Variants in RASAL3 observed in about 807,000 individuals in gnomAD.
RASAL3 encodes the protein RAS protein activator like 3, also known as RAS protein activator like-3.
Under a neutral mutation model 105.5 loss-of-function variants are expected in RASAL3, and 74 were observed. The observed-to-expected ratio is 0.70, with a 90% CI of 0.58 to 0.85. RASAL3 has a LOEUF of 0.85. Ranked by LOEUF, RASAL3 falls within the 40% of genes least tolerant of loss-of-function variation. RASAL3 has a pLI of 0.00. For synonymous variants in RASAL3, 579 were observed against 591.6 expected, an observed-to-expected ratio of 0.98 and a Z score of 0.31; for missense variants, 1,352 against 1,392.0, an observed-to-expected ratio of 0.97 and a Z score of 0.46.
chr19:15,456,489 T>C lies in RASAL3; in HGVS notation c.1576+13A>G. 1 of 1,613,162 alleles carries C rather than the reference T, an allele frequency of 6.2e-7. No individual in the cohort carries two copies. The highest frequency in any genetic ancestry group is 8.5e-7 in the Non-Finnish European group (1 of 1,179,562). On this transcript the variant is annotated intron_variant, in intron 10 of 17. Coordinates refer to ENST00000343625, the MANE Select transcript of RASAL3 (RefSeq NM_022904.3). This position sits in a 1 kb window ranked among gnomAD's most constrained non-coding sequence, Gnocchi z 4.4. ...ACCAGCAGGCCGCTGACATGGACTC[T>C]CCCCCAGCTCACCCAGGGTCTCCTG... is the stretch of plus-strand genomic sequence containing the variant.
At chr19:15,462,176 G>T (rs1970531869) in intron 2 of RASAL3, among the ~76,000 whole-genome samples, 1 of 151,940 alleles carries the variant, frequency 6.6e-6, no homozygotes, top group African/African-American at 2.4e-5. Context: ...AACATAACAA[G>T]ACCCTGTCTT....
At position 15,453,641 on chromosome 19, in the gene RASAL3, G is replaced by A. The variant is rs555854837; in HGVS notation, c.2280-144C>T. ...GACAAGGTCTTGCTCTGTCGCCCAGGCTGGAGTGCAGTGGCTAGATCATAG... is the reference window on the plus strand; with the variant it reads ...GACAAGGTCTTGCTCTGTCGCCCAGACTGGAGTGCAGTGGCTAGATCATAG... On this transcript the variant is annotated intron_variant, in intron 14 of 17. Coordinates refer to ENST00000343625, the MANE Select transcript of RASAL3 (RefSeq NM_022904.3). This position sits in a 1 kb window ranked among gnomAD's most constrained non-coding sequence, Gnocchi z 4.2. The A allele has an allele frequency of 2.4e-4, 197 of 806,176 alleles. 1 individual carries two copies. The highest frequency in any genetic ancestry group is 1.0e-3 in the Admixed American group (26 of 25,074). 49.9% of individuals were successfully genotyped at this position (806,176 alleles called of 1,614,324 possible). A position where few individuals can be genotyped will look rare whatever the true frequency, so the allele number is the denominator to read the frequency against.
At chr19:15,458,477 A>C in intron 7 of RASAL3, 51 bp from the exon 8 acceptor site, 11 of 1,613,592 alleles carry the variant, frequency 6.8e-6, no homozygotes, top group Non-Finnish European at 9.3e-6. Context: ...GGTGAAGCCA[A>C]AGGGTGGGAG....
At chr19:15,452,333 G>C (rs1970176360) in intron 16 of RASAL3, 1 of 608,210 alleles carries the variant, frequency 1.6e-6, no homozygotes, top group African/African-American at 1.8e-5. Flanking sequence ...GGTTTGGCCA[G>C]TCCTGGGTGG....
Position 15,460,194 on chromosome 19 carries a change from C to T in RASAL3, c.662+9G>A. On this transcript the variant is annotated intron_variant, in intron 6 of 17. Coordinates refer to ENST00000343625, the MANE Select transcript of RASAL3 (RefSeq NM_022904.3). ...ACCCCAGCCCCTCCAGCCTCTCATA[C>T]ACCCTTACCCATCCCGGGGCTCCAA... 1 of 1,603,776 alleles carries T rather than the reference C, an allele frequency of 6.2e-7. No homozygotes were observed. Among genetic ancestry groups the T allele is most frequent in the South Asian group, 1.1e-5 (1 of 88,730 alleles).
In RASAL3 at chr19:15,458,378, C is replaced by A. The variant is rs199723638; in HGVS notation, c.838G>T (p.Glu280Ter). The change falls in exon 8 of 18, where the codon GAG becomes TAG. Residue 280 changes from glutamate (E) to a stop codon, truncating the protein, a stop_gained. Transcript: ENST00000343625. LOFTEE classifies it high-confidence loss of function. Reference protein sequence around the residue: ...SRCFSCRSAAERDRWIEDLRR... With the variant: ...SRCFSCRSAA ...AGGTCCTCGATCCAGCGGTCTCTCT[C>A]AGCGGCCGAGCGACAAGAGAAGCAG... 6.2e-7 allele frequency: 1 copy of A among 1,613,806 alleles called. No homozygotes were observed. The highest frequency in any genetic ancestry group is 8.5e-7 in the Non-Finnish European group (1 of 1,179,872).
chr19:15,458,246 G>A (rs1393255604), intron 8 of RASAL3, 82 bp downstream of exon 8: 3 of 1,338,546 alleles, frequency 2.2e-6, no homozygotes, highest in African/African-American at 2.9e-5. Context: ...GTTATGGAGC[G>A]AGCTGGCTTT....
chr19:15,456,719 C>G lies in RASAL3; in HGVS notation c.1432-73G>C. 6.5e-7 allele frequency: 1 copy of G among 1,536,346 alleles called. No individual in the cohort carries two copies. Among genetic ancestry groups the G allele is most frequent in the Non-Finnish European group, 8.8e-7 (1 of 1,139,306 alleles). On this transcript the variant is annotated intron_variant, in intron 9 of 17. Transcript: ENST00000343625. The surrounding 1 kb of genome is among the most constrained non-coding windows in gnomAD (Gnocchi z 4.4). ...AGGGAATTCGGATCCTTGGCTGGTC[C>G]CTCACACCAGAGGCACAGGCCCCGC...
In RASAL3 at chr19:15,453,482, C is replaced by G; in HGVS notation, c.2295G>C (p.Glu765Asp). ...CCCGGGGGGCCAGGAAGCCGGGCTTCTCCCCTGCGGAGAGGCTAGGGGTGG... is the reference window on the plus strand; with the variant it reads ...CCCGGGGGGCCAGGAAGCCGGGCTTGTCCCCTGCGGAGAGGCTAGGGGTGG... ...AQVHSSLSAG[E>D]KPGFLAPRDL... Residue 765 changes from glutamate (E) to aspartate (D), a missense_variant, in exon 15 of 18, where the codon GAG becomes GAC. By Grantham distance (45) the Glu-to-Asp change is conservative. Coordinates refer to ENST00000343625, the MANE Select transcript of RASAL3 (RefSeq NM_022904.3). This position sits in a 1 kb window ranked among gnomAD's most constrained non-coding sequence, Gnocchi z 4.2. The G allele has an allele frequency of 6.5e-7, 1 of 1,532,906 alleles. No homozygotes were observed. The highest frequency in any genetic ancestry group is 8.7e-7 in the Non-Finnish European group (1 of 1,150,776). The allele number at this position is 1,532,906 out of a possible 1,614,324, so 95.0% of individuals were successfully genotyped here.
In RASAL3 at chr19:15,453,790, T is replaced by A. The variant is rs1599733722; in HGVS notation, c.2280-293A>T. On this transcript the variant is annotated intron_variant, in intron 14 of 17. Transcript: ENST00000343625. This position sits in a 1 kb window ranked among gnomAD's most constrained non-coding sequence, Gnocchi z 4.2. Reference sequence around the variant, plus strand: ...TTTTTTTTTTTTGGTAGAGATGGGGTCTCCCTATGTTGCCCAGGCTTGTCT... The same window carrying A: ...TTTTTTTTTTTTGGTAGAGATGGGGACTCCCTATGTTGCCCAGGCTTGTCT... 6.7e-6 allele frequency among the ~76,000 whole-genome samples: 1 copy of A among 149,870 alleles called. No individual in the cohort carries two copies. The highest frequency in any genetic ancestry group is 2.5e-5 in the African/African-American group (1 of 40,562).
chr19:15,464,171 G>T lies in RASAL3; in HGVS notation c.188C>A (p.Pro63His). 6.2e-7 allele frequency: 1 copy of T among 1,613,030 alleles called. No homozygotes were observed. The highest frequency in any genetic ancestry group is 8.5e-7 in the Non-Finnish European group (1 of 1,179,706). ...TAGGACCCGACGGAATATCGAGCGA[G>T]GGGCTGGCTGGGTGCTGACCATGGG... The part of the protein sequence containing the change: ...QEPMVSTQPA[P>H]RSIFRRVLSA... The change falls in exon 2 of 18, where the codon CCT (proline) becomes CAT (histidine). Residue 63 changes from proline to histidine, a missense_variant. Pro to His is a moderately conservative substitution (Grantham distance 77, BLOSUM62 -2). Around this residue, in one of 3 missense-constraint regions of RASAL3, gnomAD observed 344 missense variants for 339.6 expected, o/e 1.01. Coordinates refer to ENST00000343625, the MANE Select transcript of RASAL3 (RefSeq NM_022904.3).
chr19:15,457,440 G>T lies in RASAL3; in HGVS notation c.1283C>A (p.Pro428Gln), dbSNP rs944953328. The T allele has an allele frequency of 7.0e-7, 1 of 1,422,766 alleles. No homozygotes were observed. Among genetic ancestry groups the T allele is most frequent in the Non-Finnish European group, 9.2e-7 (1 of 1,090,286 alleles). 88.1% of individuals were successfully genotyped at this position (1,422,766 alleles called of 1,614,324 possible). The change falls in exon 9 of 18, where the codon CCG becomes CAG. Residue 428 changes from proline (P) to glutamine (Q), a missense_variant. Pro to Gln is a moderately conservative substitution (Grantham distance 76). This residue lies in a region of RASAL3 where 920 missense variants were observed against 919.6 expected (regional missense o/e 1.00). Transcript: ENST00000343625. This position sits in a 1 kb window ranked among gnomAD's most constrained non-coding sequence, Gnocchi z 8.6. Reference protein sequence around the residue: ...RIRARRLRVLPSERYKELAEF... With the variant: ...RIRARRLRVLQSERYKELAEF... ...CGCCAGCTCCTTGTAGCGCTCGGAC[G>T]GCAGCACGCGCAGGCGACGCGCCCG...
chr19:15,457,424 CT>C lies in RASAL3; in HGVS notation c.1298del (p.Lys433ArgfsTer48). ...GGAAGGTGAGGAACTCCGCCAGCTC[CT>C]TGTAGCGCTCGGACGGCAGCACGCG... Reference protein sequence around the residue: ...RLRVLPSERYKELAEFLTFHY... With the variant: ...RLRVLPSERYXELAEFLTFHY... On this transcript the variant is annotated frameshift_variant, in exon 9 of 18. Transcript: ENST00000343625. LOFTEE classifies it high-confidence loss of function. This position sits in a 1 kb window ranked among gnomAD's most constrained non-coding sequence, Gnocchi z 8.6. 6.9e-7 allele frequency: 1 copy of C among 1,441,114 alleles called. No individual in the cohort carries two copies. The highest frequency in any genetic ancestry group is 9.1e-7 in the Non-Finnish European group (1 of 1,100,052). The allele number at this position is 1,441,114 out of a possible 1,614,324, so 89.3% of individuals were successfully genotyped here.
chr19:15,452,814 A>C lies in RASAL3; in HGVS notation c.2672T>G (p.Leu891Trp). Residue 891 changes from leucine to tryptophan, a missense_variant and splice_region_variant, in exon 16 of 18, where the codon TTG (leucine) becomes TGG (tryptophan). Physicochemically the swap from Leu to Trp is moderately conservative, Grantham distance 61. Coordinates refer to ENST00000343625, the MANE Select transcript of RASAL3 (RefSeq NM_022904.3). ...ALGTHRPVNK[L>W]AELQCEVAAL... ...GGCCACCTCGCACTGCAGCTCTGCC[A>C]ACTGTGGTGGGAGAGCAGCTGTAAT... 6.5e-7 allele frequency: 1 copy of C among 1,549,696 alleles called. No individual in the cohort carries two copies. Among genetic ancestry groups the C allele is most frequent in the Non-Finnish European group, 8.7e-7 (1 of 1,145,618 alleles).
At position 15,456,936 on chromosome 19, in the gene RASAL3, C is replaced by A. The variant is rs1179354393; in HGVS notation, c.1432-290G>T. 1.9e-6 allele frequency: 1 copy of A among 520,924 alleles called. No homozygotes were observed. The highest frequency in any genetic ancestry group is 3.3e-5 in the East Asian group (1 of 30,470). 32.3% of individuals were successfully genotyped at this position (520,924 alleles called of 1,614,324 possible). A position where few individuals can be genotyped will look rare whatever the true frequency, so the allele number is the denominator to read the frequency against. On this transcript the variant is annotated intron_variant, in intron 9 of 17. Transcript: ENST00000343625. The surrounding 1 kb of genome is among the most constrained non-coding windows in gnomAD (Gnocchi z 4.4). ...CTCCGCTCTTCAAGGTGTCCCGCCC[C>A]TTATGGGTGATAATTAGGCCCCGCC...
At chr19:15,452,901 C>T (rs981008821) in intron 15 of RASAL3, 86 bp from the exon 16 acceptor site, 1 of 1,469,622 alleles carries the variant, frequency 6.8e-7, no homozygotes, top group East Asian at 2.5e-5. Context: ...CCCAAGCGCT[C>T]AGCGTCATCA....
rs776373428 is a variant in RASAL3 at position 15,456,505 on chromosome 19, G to A, written c.1573C>T (p.Leu525=). The A allele has an allele frequency of 7.4e-6, 12 of 1,613,506 alleles. No homozygotes were observed. The Admixed American group carries it at 1.3e-4, about 18-fold the overall frequency. The change falls in exon 10 of 18, where the codon CTG becomes TTG. Residue 525 remains leucine (L), a synonymous_variant. Coordinates refer to ENST00000343625, the MANE Select transcript of RASAL3 (RefSeq NM_022904.3). This position sits in a 1 kb window ranked among gnomAD's most constrained non-coding sequence, Gnocchi z 4.4. The part of the protein sequence containing the change: ...LVAQDYLQET[L]GQVVRRLCAS... ...CATGGACTCTCCCCCAGCTCACCCA[G>A]GGTCTCCTGGAGGTAATCCTGTGCC... is the stretch of plus-strand genomic sequence containing the variant.
At chr19:15,452,232 G>T in intron 16 of RASAL3, 124 bp from the exon 17 acceptor site, 2 of 895,274 alleles carry the variant, frequency 2.2e-6, no homozygotes, top group Non-Finnish European at 3.7e-6. Flanking sequence ...TCCAGACTGA[G>T]GGGCGGGGCC....
rs774541666 is a variant in RASAL3, at chr19:15,461,148, G to C, written c.545-27C>G. ...TGTGGGTCGTTATGGGTGGCAGGTT[G>C]GGGGGTTGGATTCTGCCCCACTTTT... On this transcript the variant is annotated intron_variant, in intron 4 of 17. Transcript: ENST00000343625. The C allele has an allele frequency of 1.7e-5, 27 of 1,613,236 alleles. No individual in the cohort carries two copies. The African/African-American group carries it at 3.1e-4, about 18-fold the overall frequency.
Sources: allele counts gnomAD v4.1 joint callset (sites outside exome capture counted in the v4.1 genomes callset), GRCh38; gene constraint gnomAD v4.1.1; regional missense constraint gnomAD v4.1.1; non-coding constraint Gnocchi (gnomAD v3.1); transcripts MANE v1.5; gene names NCBI Gene and HGNC (gene_info 2026-07-23, HGNC 2026-07-21).